Variants in MELTF observed in about 807,000 individuals in gnomAD.
MELTF encodes the protein melanotransferrin.
In MELTF, 67 loss-of-function variants were observed where a neutral mutation model predicts 83.7. That is an observed-to-expected ratio of 0.80 (90% confidence interval 0.66 to 0.98). The LOEUF is 0.98. MELTF is among the 50% of genes least tolerant of loss of function. MELTF has a pLI of 0.00. For synonymous variants in MELTF, 462 were observed against 447.6 expected (o/e 1.03, Z -0.41); for missense variants, 1,002 against 1,035.6 (o/e 0.97, Z 0.44).
chr3:197,009,111 G>C, intron 11 of MELTF, 146 bp from the exon 12 acceptor site: 1 of 911,274 alleles, frequency 1.1e-6, no homozygotes, highest in Admixed American at 2.5e-5. Flanking sequence ...TCAGCTCTGA[G>C]TGGAGTGTCT....
chr3:197,003,622 C>T lies in MELTF; in HGVS notation c.2138-171G>A, dbSNP rs149858092. 4,049 of 649,004 alleles carry T rather than the reference C, an allele frequency of 6.2e-3. 111 individuals carry two copies. The highest frequency in any genetic ancestry group is 0.059 in the African/African-American group (3,202 of 54,562). The allele number at this position is 649,004 out of a possible 1,614,324, so 40.2% of individuals were successfully genotyped here. On this transcript the variant is annotated intron_variant, in intron 15 of 15. Transcript: ENST00000296350. The surrounding 1 kb of genome is among the most constrained non-coding windows in gnomAD (Gnocchi z 6.2). ...TCCAGATGCGCTCTTTCCAGAAAGGCAGCACACGCATGTCTCTGCCGTGGC... is the reference window on the plus strand; with the variant it reads ...TCCAGATGCGCTCTTTCCAGAAAGGTAGCACACGCATGTCTCTGCCGTGGC...
chr3:197,021,786 C>A (rs1233226006), intron 5 of MELTF, among the ~76,000 whole-genome samples: 1 of 152,170 alleles, frequency 6.6e-6, no homozygotes, highest in African/African-American at 2.4e-5. Flanking sequence ...GCAGGCACTC[C>A]CAGGGCAGCT....
rs1040134450 is a variant in MELTF, at chr3:197,021,987, G to A, written c.645-516C>T. 2.6e-5 allele frequency among the ~76,000 whole-genome samples: 4 copies of A among 152,300 alleles called. No individual in the cohort carries two copies. In the East Asian group the frequency reaches 5.8e-4, roughly 22 times the overall value. ...TCCTGCCTCTGCCTCCAAAGTAGCT[G>A]GGGTGACAGGTGTGTGCCACCATGC... On this transcript the variant is annotated intron_variant, in intron 5 of 15. Transcript: ENST00000296350.
Position 197,010,793 on chromosome 3 carries a change from G to A in MELTF, c.1235C>T (p.Ala412Val), listed in dbSNP as rs777418309. Reference protein sequence around the residue: ...SPQHCMERIQAEQVDAVTLSG... With the variant: ...SPQHCMERIQVEQVDAVTLSG... ...CAGGGTCACAGCGTCGACCTGCTCA[G>A]CCTGAAGGGAATAGAAGAAGCCACT... The change falls in exon 10 of 16, where the codon GCT (alanine) becomes GTT (valine). Residue 412 changes from alanine (A) to valine (V), a missense_variant and splice_region_variant. By Grantham distance (64) the Ala-to-Val change is moderately conservative (BLOSUM62 0). Coordinates refer to ENST00000296350, the MANE Select transcript of MELTF (RefSeq NM_005929.6). 10 of 1,613,346 alleles carry A rather than the reference G, an allele frequency of 6.2e-6. No individual in the cohort carries two copies. The highest frequency in any genetic ancestry group is 7.6e-6 in the Non-Finnish European group (9 of 1,179,986).
chr3:197,009,464 T>C (rs918370296), intron 11 of MELTF, among the ~76,000 whole-genome samples, 154 bp downstream of exon 11: 1 of 152,098 alleles, frequency 6.6e-6, no homozygotes, highest in African/African-American at 2.4e-5. Flanking sequence ...TAGCATATGG[T>C]GGGTCCTTCT....
intron 3 of MELTF, among the ~76,000 whole-genome samples, chr3:197,025,252 A>G (rs775455232): frequency 1.1e-4 from 16 of 152,250 alleles, no homozygotes; most frequent in Non-Finnish European, 4.4e-5. Flanking sequence ...GTGGGAGGCC[A>G]TATCAGAATG....
In MELTF at chr3:197,024,333, G is replaced by A. The variant is rs1719759992; in HGVS notation, c.457C>T (p.Leu153Phe). Residue 153 changes from leucine to phenylalanine, a missense_variant, in exon 4 of 16, where the codon CTC becomes TTC. Transcript: ENST00000296350. The surrounding 1 kb of genome is among the most constrained non-coding windows in gnomAD (Gnocchi z 5.3). ...AGTACATCGCAGCCCATCACCGAGA[G>A]GCGGCCGCTCTCCACCAGGTAGCCC... ...PVGYLVESGRLSVMGCDVLKA... is the reference protein window; with the variant it reads ...PVGYLVESGRFSVMGCDVLKA... 5.7e-6 allele frequency: 9 copies of A among 1,588,142 alleles called. 1 individual carries two copies. The African/African-American group carries it at 1.1e-4, about 19-fold the overall frequency.
intron 5 of MELTF, among the ~76,000 whole-genome samples, chr3:197,021,835 G>T (rs961471172): frequency 3.3e-5 from 5 of 152,086 alleles, no homozygotes; most frequent in African/African-American, 7.2e-5. Flanking sequence ...TCAGGGCGTC[G>T]GTTTTCTGTG....
At chr3:197,021,795 C>T (rs1719633499) in intron 5 of MELTF, among the ~76,000 whole-genome samples, 1 of 152,232 alleles carries the variant, frequency 6.6e-6, no homozygotes, top group Non-Finnish European at 1.5e-5. Flanking sequence ...CCCAGGGCAG[C>T]TGCTATTATA....
At chr3:197,018,858 C>G (rs983534443) in intron 6 of MELTF, 1 of 868,694 alleles carries the variant, frequency 1.2e-6, no homozygotes, top group Non-Finnish European at 1.4e-6. Flanking sequence ...TCATTTGTTT[C>G]TCGATAGAAA....
At position 197,010,591 on chromosome 3, in the gene MELTF, GGA is replaced by G. The variant is rs1719150611; in HGVS notation, c.1330+105_1330+106del. Reference sequence around the variant, plus strand: ...TGGTGACAGGCAGCCACTATCCCCAGGAGAGAGGCATGGAGCTTTTGAAAATG... The same window carrying G: ...TGGTGACAGGCAGCCACTATCCCCAGGAGAGGCATGGAGCTTTTGAAAATG... On this transcript the variant is annotated intron_variant, in intron 10 of 15. Coordinates refer to ENST00000296350, the MANE Select transcript of MELTF (RefSeq NM_005929.6). 18 of 935,948 alleles carry G rather than the reference GGA, an allele frequency of 1.9e-5. No individual in the cohort carries two copies. In the South Asian group the frequency reaches 2.7e-4, roughly 14 times the overall value. 58.0% of individuals were successfully genotyped at this position (935,948 alleles called of 1,614,324 possible). A position where few individuals can be genotyped will look rare whatever the true frequency, so the allele number is the denominator to read the frequency against.
Position 197,008,847 on chromosome 3 carries a change from G to A in MELTF, c.1644C>T (p.Asn548=), listed in dbSNP as rs368231062. 5.1e-5 allele frequency: 82 copies of A among 1,614,052 alleles called. No individual in the cohort carries two copies. The highest frequency in any genetic ancestry group is 6.8e-5 in the Non-Finnish European group (80 of 1,180,030). ...DEQGRNKCVG[N]SQERYYGYRG... ...GGTAGCCGTAATACCGCTCCTGGCT[G>A]TTGCCCACACACTTGTTGCGGCCCT... is the stretch of plus-strand genomic sequence containing the variant. Residue 548 remains asparagine, a synonymous_variant, in exon 12 of 16, where the codon AAC becomes AAT. Coordinates refer to ENST00000296350, the MANE Select transcript of MELTF (RefSeq NM_005929.6). This position sits in a 1 kb window ranked among gnomAD's most constrained non-coding sequence, Gnocchi z 5.4.
chr3:197,022,044 T>C lies in MELTF; in HGVS notation c.645-573A>G, dbSNP rs1719644480. 6.6e-6 allele frequency among the ~76,000 whole-genome samples: 1 copy of C among 152,114 alleles called. No homozygotes were observed. The highest frequency in any genetic ancestry group is 2.4e-5 in the African/African-American group (1 of 41,414). On this transcript the variant is annotated intron_variant, in intron 5 of 15. Transcript: ENST00000296350. This position sits in a 1 kb window ranked among gnomAD's most constrained non-coding sequence, Gnocchi z 5.1. ...AATTTTCAGGGTGTTTTGAAGAGCA[T>C]TCTACCCTGAGGCAGGGGATTGGAC...
chr3:197,018,661 G>A (rs771039302), intron 6 of MELTF, among the ~76,000 whole-genome samples: 33 of 151,764 alleles, frequency 2.2e-4, no homozygotes, highest in Admixed American at 5.3e-4. Context: ...TGGCCAGGCC[G>A]GTCTTGAACC....
Position 197,008,583 on chromosome 3 carries a change from GGTGT to G in MELTF, c.1750+70_1750+73del. ...CTGCTGCTTGGCCCCAGCCCAGCAT[GGTGT>G]CTGGATGGTGCTGAAGATGGGGAAC... On this transcript the variant is annotated intron_variant, in intron 13 of 15. Transcript: ENST00000296350. This position sits in a 1 kb window ranked among gnomAD's most constrained non-coding sequence, Gnocchi z 5.4. The G allele has an allele frequency of 6.7e-7, 1 of 1,496,530 alleles. No individual in the cohort carries two copies. The highest frequency in any genetic ancestry group is 9.2e-7 in the Non-Finnish European group (1 of 1,091,384). 92.7% of individuals were successfully genotyped at this position (1,496,530 alleles called of 1,614,324 possible).
chr3:197,008,029 T>A lies in MELTF; in HGVS notation c.1750+628A>T, dbSNP rs1484436945. On this transcript the variant is annotated intron_variant, in intron 13 of 15. Transcript: ENST00000296350. This position sits in a 1 kb window ranked among gnomAD's most constrained non-coding sequence, Gnocchi z 5.4. The stretch of plus-strand genomic sequence containing the variant: ...TCTAGTCTTCAAAACGGACACAGAT[T>A]CCTTCACGGAGAACAAGAAGAAGGG... Among the ~76,000 whole-genome samples the A allele has an allele frequency of 6.6e-6, 1 of 152,136 alleles. No individual in the cohort carries two copies. The highest frequency in any genetic ancestry group is 1.5e-5 in the Non-Finnish European group (1 of 68,032).
At position 197,025,054 on chromosome 3, in the gene MELTF, T is replaced by C. The variant is rs554247228; in HGVS notation, c.305-569A>G. Among the ~76,000 whole-genome samples, 71 of 152,334 alleles carry C rather than the reference T, an allele frequency of 4.7e-4. 1 individual carries two copies. In the South Asian group the frequency reaches 0.011, roughly 24 times the overall value. ...GCCCCAAGTCGCTCACGACCCTGAA[T>C]GCTGCAGGGTGTGTGTGGTGGGGCC... On this transcript the variant is annotated intron_variant, in intron 3 of 15. Transcript: ENST00000296350.
At position 197,015,507 on chromosome 3, in the gene MELTF, G is replaced by C. The variant is rs768611749; in HGVS notation, c.1091C>G (p.Pro364Arg). The C allele has an allele frequency of 4.3e-6, 7 of 1,610,706 alleles. No homozygotes were observed. The highest frequency in any genetic ancestry group is 4.5e-5 in the East Asian group (2 of 44,768). ...GGAGAGCACACACCAGCGCAGGTAGGGGGGCAGCCCTGGGGTGGGGCAAGC... is the reference window on the plus strand; with the variant it reads ...GGAGAGCACACACCAGCGCAGGTAGCGGGGCAGCCCTGGGGTGGGGCAAGC... The part of the protein sequence containing the change: ...GLLCDPNRLP[P>R]YLRWCVLSTP... Residue 364 changes from proline to arginine, a missense_variant, in exon 9 of 16, where the codon CCC becomes CGC. Pro to Arg is a moderately radical substitution (Grantham distance 103). Transcript: ENST00000296350.
Position 197,008,979 on chromosome 3 carries a change from A to G in MELTF, c.1526-14T>C, listed in dbSNP as rs757394068. Reference sequence around the variant, plus strand: ...ACTCGCTCACTGCTGGGGTGGAGGGAAGGGCAATGATGAGGGGCCAGCAGT... The same window carrying G: ...ACTCGCTCACTGCTGGGGTGGAGGGGAGGGCAATGATGAGGGGCCAGCAGT... On this transcript the variant is annotated splice_polypyrimidine_tract_variant and intron_variant, in intron 11 of 15. Transcript: ENST00000296350. This position sits in a 1 kb window ranked among gnomAD's most constrained non-coding sequence, Gnocchi z 5.4. 42 of 1,613,362 alleles carry G rather than the reference A, an allele frequency of 2.6e-5. No homozygotes were observed. The highest frequency in any genetic ancestry group is 3.5e-5 in the Non-Finnish European group (41 of 1,179,734).
Sources: allele counts gnomAD v4.1 joint callset (sites outside exome capture counted in the v4.1 genomes callset), GRCh38; gene constraint gnomAD v4.1.1; non-coding constraint Gnocchi (gnomAD v3.1); transcripts MANE v1.5; gene names NCBI Gene and HGNC (gene_info 2026-07-23, HGNC 2026-07-21).